Variants in FBN2 observed in about 807,000 individuals in gnomAD.
The protein encoded by FBN2 is fibrillin 2.
Under a neutral mutation model 355.6 loss-of-function variants are expected in FBN2, and 105 were observed. That is an observed-to-expected ratio of 0.30 (90% CI 0.25 to 0.35). The LOEUF (loss-of-function observed/expected upper bound fraction) is 0.35. Among genes scored for constraint, FBN2 ranks in the 10% least tolerant of loss-of-function variants. The probability of loss-of-function intolerance (pLI) is 1.00; values close to 1 mark genes in which losing one functional copy is unlikely to be tolerated. For missense variants in FBN2, 3,280 were observed against 3,758.7 expected (o/e 0.87, Z 3.33); for synonymous variants, 1,350 against 1,301.2 (o/e 1.04, Z -0.81).
In FBN2 at chr5:128,300,843, T is replaced by C. The variant is rs368453513; in HGVS notation, c.6140A>G (p.Tyr2047Cys). 3.7e-6 allele frequency: 6 copies of C among 1,613,864 alleles called. No homozygotes were observed. Among genetic ancestry groups the C allele is most frequent in the Non-Finnish European group, 5.1e-6 (6 of 1,179,892 alleles). ...AATGCAGTTCTCGCTTTTTACTTCATACCCTGGGGGACAGATGCATCTGAA... is the reference window on the plus strand; with the variant it reads ...AATGCAGTTCTCGCTTTTTACTTCACACCCTGGGGGACAGATGCATCTGAA... ...GSFRCICPPG[Y>C]EVKSENCIDI... Residue 2047 changes from tyrosine (Y) to cysteine (C), a missense_variant, in exon 48 of 65, where the codon TAT becomes TGT. Transcript: ENST00000262464.
At position 128,538,015 on chromosome 5, in the gene FBN2, G is replaced by C. The variant is rs888656096; in HGVS notation, c.-412C>G. The C allele has an allele frequency of 4.2e-5, 9 of 216,808 alleles. No individual in the cohort carries two copies. The highest frequency in any genetic ancestry group is 6.9e-5 in the African/African-American group (3 of 43,328). The allele number at this position is 216,808 out of a possible 1,614,324, so 13.4% of individuals were successfully genotyped here. A position where few individuals can be genotyped will look rare whatever the true frequency, so the allele number is the denominator to read the frequency against. ...TGCACGCAGAGCTCGGCGGATTCCC[G>C]TGCGCTCCGAAGACGGATATTGGAA... is the stretch of plus-strand genomic sequence containing the variant. On this transcript the variant is annotated 5_prime_UTR_variant, in exon 1 of 65. Transcript: ENST00000262464.
chr5:128,389,462 G>T (rs1344141865), intron 11 of FBN2, among the ~76,000 whole-genome samples: 2 of 152,240 alleles, frequency 1.3e-5, no homozygotes, highest in African/African-American at 4.8e-5. Context: ...GCCATGCAGG[G>T]ACACTGGCAG....
intron 5 of FBN2, among the ~76,000 whole-genome samples, chr5:128,508,989 C>T (rs1448692768): frequency 2.6e-5 from 4 of 152,002 alleles, no homozygotes; most frequent in Non-Finnish European, 5.9e-5. Context: ...TTCCTCTATA[C>T]AAAATGTATC....
At chr5:128,469,902 G>C (rs1754810192) in intron 5 of FBN2, among the ~76,000 whole-genome samples, 1 of 152,194 alleles carries the variant, frequency 6.6e-6, no homozygotes, top group Non-Finnish European at 1.5e-5. Context: ...GGTGCCTTTA[G>C]ATACCCAACA....
At position 128,318,291 on chromosome 5, in the gene FBN2, T is replaced by A. The variant is rs1750266880; in HGVS notation, c.4595-20A>T. On this transcript the variant is annotated intron_variant, in intron 35 of 64. Coordinates refer to ENST00000262464, the MANE Select transcript of FBN2 (RefSeq NM_001999.4). ...CAATATCTAGGAGAAGCATTTAAAA[T>A]GCCCAGGTTACCATTTTTACTTTTT... is the stretch of plus-strand genomic sequence containing the variant. The A allele has an allele frequency of 6.2e-7, 1 of 1,613,846 alleles. No homozygotes were observed. Among genetic ancestry groups the A allele is most frequent in the Non-Finnish European group, 8.5e-7 (1 of 1,179,874 alleles).
At chr5:128,501,739 CAA>C (rs1448407566) in intron 5 of FBN2, among the ~76,000 whole-genome samples, 1 of 151,808 alleles carries the variant, frequency 6.6e-6, no homozygotes, top group African/African-American at 2.4e-5. Context: ...AAACTAAAAA[CAA>C]AGTAAGATAT....
At chr5:128,311,765 C>T (rs1004840411) in intron 38 of FBN2, 120 bp downstream of exon 38, 1 of 746,516 alleles carries the variant, frequency 1.3e-6, no homozygotes, top group Middle Eastern at 2.3e-4. Flanking sequence ...AATTAAAGTC[C>T]ATCTGTAATT....
At chr5:128,350,466 G>T (rs562025757) in intron 21 of FBN2, among the ~76,000 whole-genome samples, 4 of 152,258 alleles carry the variant, frequency 2.6e-5, no homozygotes, top group Non-Finnish European at 5.9e-5. Context: ...CAGGAGAATC[G>T]CTTGAACCCG....
intron 36 of FBN2, among the ~76,000 whole-genome samples, chr5:128,313,621 T>C (rs1750118287): frequency 6.6e-6 from 1 of 151,992 alleles, no homozygotes; most frequent in Non-Finnish European, 1.5e-5. Context: ...ATAAGGGCTG[T>C]CTACTCAACC....
intron 5 of FBN2, among the ~76,000 whole-genome samples, chr5:128,498,451 C>T (rs1755714221): frequency 6.6e-6 from 1 of 152,170 alleles, no homozygotes; most frequent in Non-Finnish European, 1.5e-5. Context: ...AGGTTTTTAT[C>T]CTCAAGTGCT....
At chr5:128,409,812 T>C (rs1480906885) in intron 7 of FBN2, among the ~76,000 whole-genome samples, 1 of 152,168 alleles carries the variant, frequency 6.6e-6, no homozygotes, top group Non-Finnish European at 1.5e-5. Flanking sequence ...GCATTTATTC[T>C]TTTAAAATGT....
Position 128,349,381 on chromosome 5 carries a change from G to T in FBN2, c.2955C>A (p.Gly985=), listed in dbSNP as rs997186042. 1 of 1,614,100 alleles carries T rather than the reference G, an allele frequency of 6.2e-7. No homozygotes were observed. The change falls in exon 23 of 65, where the codon GGC becomes GGA. Residue 985 remains glycine (G), a synonymous_variant. Coordinates refer to ENST00000262464, the MANE Select transcript of FBN2 (RefSeq NM_001999.4). Reference sequence around the variant, plus strand: ...CACGGCCAGTCCCATCCAACGTAAGGCCTTCAGGGCACTCGCAATGAAAAG... The same window carrying T: ...CACGGCCAGTCCCATCCAACGTAAGTCCTTCAGGGCACTCGCAATGAAAAG... The part of the protein sequence containing the change: ...KGSFHCECPE[G]LTLDGTGRVC...
At chr5:128,281,880 C>T (rs1353365835) in intron 55 of FBN2, among the ~76,000 whole-genome samples, 1 of 151,998 alleles carries the variant, frequency 6.6e-6, no homozygotes, top group Admixed American at 6.6e-5. Context: ...TTAGTAGAGA[C>T]AGGGTTTCAC....
intron 62 of FBN2, among the ~76,000 whole-genome samples, chr5:128,269,475 C>T (rs1039622170): frequency 6.0e-5 from 9 of 150,286 alleles, no homozygotes; most frequent in African/African-American, 2.2e-4. Flanking sequence ...AAAACAAAAA[C>T]CCAACAAACC....
At position 128,446,593 on chromosome 5, in the gene FBN2, G is replaced by A; in HGVS notation, c.840C>T (p.Cys280=). ...RTGACQDVDE[C]QAIPGICQGG... is the part of the protein sequence containing the mutation. ...CTTGGCATATCCCTGGGATAGCCTG[G>A]CATTCATCAACATCTGCAAGAAGAA... is the stretch of plus-strand genomic sequence containing the variant. The change falls in exon 7 of 65, where the codon TGC becomes TGT. Residue 280 remains cysteine (C), a synonymous_variant. Transcript: ENST00000262464. The A allele has an allele frequency of 1.2e-6, 2 of 1,613,224 alleles. No individual in the cohort carries two copies. Among genetic ancestry groups the A allele is most frequent in the South Asian group, 1.1e-5 (1 of 91,064 alleles).
At chr5:128,490,661 G>T (rs777555190) in intron 5 of FBN2, among the ~76,000 whole-genome samples, 1 of 152,222 alleles carries the variant, frequency 6.6e-6, no homozygotes, top group African/African-American at 2.4e-5. Context: ...CAGTTAATAC[G>T]ATTTTTTAAA....
At chr5:128,467,698 A>T (rs1295032081) in intron 5 of FBN2, among the ~76,000 whole-genome samples, 1 of 152,168 alleles carries the variant, frequency 6.6e-6, no homozygotes, top group East Asian at 1.9e-4. Context: ...TAAAAGGGGA[A>T]AATTGCTTAT....
chr5:128,361,829 T>C lies in FBN2; in HGVS notation c.2448A>G (p.Val816=). 1 of 1,614,124 alleles carries C rather than the reference T, an allele frequency of 6.2e-7. No individual in the cohort carries two copies. The highest frequency in any genetic ancestry group is 8.5e-7 in the Non-Finnish European group (1 of 1,179,968). The change falls in exon 19 of 65, where the codon GTA becomes GTG. Residue 816 remains valine, a synonymous_variant. Transcript: ENST00000262464. ...RNCIDIDECL[V]NRLLCDNGLC... ...ATCCGTTATCACAAAGCAGTCTGTT[T>C]ACTAAACATTCATCAATGTCTGAAA...
intron 7 of FBN2, among the ~76,000 whole-genome samples, chr5:128,410,769 T>G (rs1753040518): frequency 2.0e-5 from 3 of 152,192 alleles, no homozygotes; most frequent in Non-Finnish European, 1.5e-5. Flanking sequence ...TGTTAACAAT[T>G]TTATTGTGCA....
Sources: gnomAD v4.1 joint callset for allele counts (sites outside exome capture counted in the v4.1 genomes callset) on GRCh38, gnomAD v4.1.1 for gene constraint, MANE v1.5 for transcripts, NCBI Gene and HGNC (gene_info 2026-07-23, HGNC 2026-07-21) for gene names.